The following MIOS variants were observed in gnomAD, a reference collection of about 807,000 sequenced individuals.
MIOS encodes the protein GATOR2 complex protein MIOS.
In MIOS, 52 loss-of-function variants were observed where a neutral mutation model predicts 96.9. That is an observed-to-expected ratio of 0.54 (90% CI 0.43 to 0.68). MIOS has a LOEUF of 0.68. Among genes scored for constraint, MIOS ranks in the 30% least tolerant of loss-of-function variants. The probability of loss-of-function intolerance (pLI) is 0.00; values close to 1 mark genes in which losing one functional copy is unlikely to be tolerated. For missense variants in MIOS, 1,005 were observed against 1,052.8 expected (o/e 0.95, Z 0.63); for synonymous variants, 397 against 359.5 (o/e 1.10, Z -1.18).
rs1784595013 is a variant in MIOS, at chr7:7,608,821, AATGT to A, written c.*1731_*1734del. ...TTTTGGAAATACAGTATAAAACATG[AATGT>A]AAAGTCTATTATGTAATATGCTTAT... On this transcript the variant is annotated 3_prime_UTR_variant, in exon 13 of 13. Coordinates refer to ENST00000340080, the MANE Select transcript of MIOS (RefSeq NM_019005.4). The A allele has an allele frequency of 6.6e-6, 1 of 152,074 alleles. No homozygotes were observed. The highest frequency in any genetic ancestry group is 2.4e-5 in the African/African-American group (1 of 41,448). The allele number at this position is 152,074 out of a possible 1,614,324, so 9.4% of individuals were successfully genotyped here. A position where few individuals can be genotyped will look rare whatever the true frequency, so the allele number is the denominator to read the frequency against.
chr7:7,601,594 A>G (rs1402967845), intron 11 of MIOS, among the ~76,000 whole-genome samples: 3 of 152,112 alleles, frequency 2.0e-5, no homozygotes, highest in Non-Finnish European at 4.4e-5. Context: ...CTTACCAACC[A>G]AAAAAAGTCC....
chr7:7,602,630 A>G (rs1320200952), intron 11 of MIOS, among the ~76,000 whole-genome samples: 23 of 152,204 alleles, frequency 1.5e-4, no homozygotes, highest in Non-Finnish European at 2.1e-4. Flanking sequence ...AATCAATATC[A>G]TGAAAATGGC....
Position 7,606,042 on chromosome 7 carries a change from A to T in MIOS, c.2502A>T (p.Gly834=), listed in dbSNP as rs1435973429. Residue 834 remains glycine, a synonymous_variant, in exon 12 of 13, where the codon GGA becomes GGT. Transcript: ENST00000340080. The stretch of plus-strand genomic sequence containing the variant: ...GGTGTCATAATTGCAGGCACGGTGG[A>T]CATGCTGGACATATGCTTAGTTGGT... ...FTWCHNCRHG[G]HAGHMLSWFR... is the part of the protein sequence containing the mutation. The T allele has an allele frequency of 1.9e-6, 3 of 1,613,974 alleles. No homozygotes were observed. Among genetic ancestry groups the T allele is most frequent in the Admixed American group, 1.7e-5 (1 of 60,012 alleles).
At position 7,572,165 on chromosome 7, in the gene MIOS, CAG is replaced by C. The variant is rs1316084255; in HGVS notation, c.-40-270_-40-269del. Among the ~76,000 whole-genome samples, 1 of 152,180 alleles carries C rather than the reference CAG, an allele frequency of 6.6e-6. No individual in the cohort carries two copies. The highest frequency in any genetic ancestry group is 1.9e-4 in the East Asian group (1 of 5,204). On this transcript the variant is annotated intron_variant, in intron 3 of 12. Transcript: ENST00000340080. The surrounding 1 kb of genome is among the most constrained non-coding windows in gnomAD (Gnocchi z 4.8). ...GAAGTTAAGCTGAAGGTACTAGTAA[CAG>C]TGCAATTAAGATAATTGATCATGGG...
At chr7:7,604,690 A>G (rs991443403) in intron 11 of MIOS, among the ~76,000 whole-genome samples, 1 of 152,222 alleles carries the variant, frequency 6.6e-6, no homozygotes, top group South Asian at 2.1e-4. Context: ...TAAATCTTTT[A>G]AAATTTGAAG....
At chr7:7,599,523 G>C (rs1241891282) in intron 11 of MIOS, among the ~76,000 whole-genome samples, 3 of 152,136 alleles carry the variant, frequency 2.0e-5, no homozygotes, top group African/African-American at 7.2e-5. Context: ...TTTAAAGTTT[G>C]GTAGATTTAA....
In MIOS at chr7:7,608,877, A is replaced by AT. The variant is rs1477448625; in HGVS notation, c.*1790dup. On this transcript the variant is annotated 3_prime_UTR_variant, in exon 13 of 13. Coordinates refer to ENST00000340080, the MANE Select transcript of MIOS (RefSeq NM_019005.4). ...TGTAATCCTAATATATGAGGGTGAC[A>AT]TTTTTAAGATTGTATGTATGTGTCA... 1 of 152,090 alleles carries AT rather than the reference A, an allele frequency of 6.6e-6. No homozygotes were observed. The highest frequency in any genetic ancestry group is 1.5e-5 in the Non-Finnish European group (1 of 67,952). 9.4% of individuals were successfully genotyped at this position (152,090 alleles called of 1,614,324 possible). A position where few individuals can be genotyped will look rare whatever the true frequency, so the allele number is the denominator to read the frequency against.
intron 9 of MIOS, 36 bp downstream of exon 9, chr7:7,589,599 ACAATATT>A: frequency 6.4e-7 from 1 of 1,567,868 alleles, no homozygotes; most frequent in Non-Finnish European, 8.7e-7. Context: ...TAAAAAAGTA[ACAATATT>A]CTATATTTTC....
intron 9 of MIOS, among the ~76,000 whole-genome samples, chr7:7,593,752 G>T (rs1784114800): frequency 6.6e-6 from 1 of 151,402 alleles, no homozygotes; most frequent in Admixed American, 6.6e-5. Context: ...AAATTAGGTG[G>T]TGGCACACCC....
intron 3 of MIOS, among the ~76,000 whole-genome samples, chr7:7,571,880 A>G (rs1301320966): frequency 6.6e-6 from 1 of 152,264 alleles, no homozygotes; most frequent in South Asian, 2.1e-4. Flanking sequence ...CGATGACCAC[A>G]TATGGTTATT....
intron 11 of MIOS, 138 bp downstream of exon 11, chr7:7,596,599 T>G (rs1008722155): frequency 2.6e-6 from 2 of 776,444 alleles, no homozygotes; most frequent in African/African-American, 3.5e-5. Context: ...AAGGCTTTTA[T>G]GTTCCTATAA....
intron 11 of MIOS, among the ~76,000 whole-genome samples, chr7:7,601,279 G>A (rs1784370635): frequency 6.6e-6 from 1 of 151,490 alleles, no homozygotes; most frequent in Non-Finnish European, 1.5e-5. Context: ...GAATCCAGGA[G>A]CTGGTTTTTT....
intron 7 of MIOS, among the ~76,000 whole-genome samples, chr7:7,587,247 T>G (rs1438459160): frequency 6.6e-6 from 1 of 152,096 alleles, no homozygotes; most frequent in African/African-American, 2.4e-5. Flanking sequence ...CTCGAACTCC[T>G]GATCTTGAAT....
intron 8 of MIOS, among the ~76,000 whole-genome samples, chr7:7,589,121 GAAT>G (rs1783974305): frequency 6.6e-6 from 1 of 152,044 alleles, no homozygotes. Flanking sequence ...AAATTTCGCA[GAAT>G]AATGAGGACA....
intron 11 of MIOS, among the ~76,000 whole-genome samples, chr7:7,601,449 T>G (rs956309455): frequency 4.6e-5 from 7 of 152,030 alleles, no homozygotes; most frequent in Non-Finnish European, 8.8e-5. Flanking sequence ...AACACCTCTA[T>G]GCAAATAAAC....
rs75367745 is a variant in MIOS at position 7,577,337 on chromosome 7, G to A, written c.1393+3141G>A. ...GACTAGGAGAAGGTCTTTCACTGGC[G>A]GTATGGATAGCAAATTGCAGTTATA... On this transcript the variant is annotated intron_variant, in intron 5 of 12. Transcript: ENST00000340080. Among the ~76,000 whole-genome samples, 944 of 152,216 alleles carry A rather than the reference G, an allele frequency of 6.2e-3. 7 individuals are homozygous for A. The highest frequency in any genetic ancestry group is 0.022 in the African/African-American group (911 of 41,518).
chr7:7,606,578 A>C (rs941658272), intron 12 of MIOS, among the ~76,000 whole-genome samples: 7 of 152,282 alleles, frequency 4.6e-5, no homozygotes, highest in Non-Finnish European at 8.8e-5. Flanking sequence ...CTTACTAGCT[A>C]ATTTAAACTC....
chr7:7,580,628 A>G (rs1783681652), intron 5 of MIOS, among the ~76,000 whole-genome samples: 1 of 152,012 alleles, frequency 6.6e-6, no homozygotes, highest in Non-Finnish European at 1.5e-5. Context: ...ATAATCACAC[A>G]AGGTTTTTAA....
chr7:7,606,392 A>G (rs899992878), intron 12 of MIOS, among the ~76,000 whole-genome samples: 7 of 152,188 alleles, frequency 4.6e-5, no homozygotes, highest in Non-Finnish European at 7.3e-5. Context: ...TTACCATGCA[A>G]TTGAATTACT....
Sources: gnomAD v4.1 joint callset for allele counts (sites outside exome capture counted in the v4.1 genomes callset) on GRCh38, gnomAD v4.1.1 for gene constraint, Gnocchi (gnomAD v3.1) non-coding constraint, MANE v1.5 for transcripts, NCBI Gene and HGNC (gene_info 2026-07-23, HGNC 2026-07-21) for gene names.